Variants in JMJD1C observed in about 807,000 individuals in gnomAD.
JMJD1C encodes jumonji domain containing 1C, also known as jumonji domain-containing protein 1C.
In JMJD1C, 31 loss-of-function variants were observed where a neutral mutation model predicts 245.3. The ratio of observed to expected loss-of-function variants is 0.13; its 90% CI spans 0.09 to 0.17. The LOEUF is 0.17. Among genes scored for constraint, JMJD1C ranks in the 10% least tolerant of loss-of-function variants. The pLI, the probability that JMJD1C is intolerant of heterozygous loss-of-function variation, is 1.00. For missense variants in JMJD1C, 2,691 were observed against 3,000.2 expected (o/e 0.90, Z 2.41); for synonymous variants, 1,057 against 1,017.4 (o/e 1.04, Z -0.74).
chr10:63,317,415 G>C (rs1018783714), intron 2 of JMJD1C, among the ~76,000 whole-genome samples: 2 of 152,056 alleles, frequency 1.3e-5, no homozygotes, highest in Admixed American at 6.5e-5. Context: ...TGAGGCAGGA[G>C]AATCACTTGA....
At position 63,458,384 on chromosome 10, in the gene JMJD1C, G is replaced by C. The variant is rs540980081; in HGVS notation, c.168+7111C>G. On this transcript the variant is annotated intron_variant, in intron 1 of 25. Coordinates refer to ENST00000399262, the MANE Select transcript of JMJD1C (RefSeq NM_032776.3). Reference sequence around the variant, plus strand: ...ATTCCTGTAGTACCAGCTACTTGTAGGGCTGAGGTGGGAGGATCTCTTGAA... The same window carrying C: ...ATTCCTGTAGTACCAGCTACTTGTACGGCTGAGGTGGGAGGATCTCTTGAA... Among the ~76,000 whole-genome samples, 165 of 152,030 alleles carry C rather than the reference G, an allele frequency of 1.1e-3. 1 individual carries two copies. The highest frequency in any genetic ancestry group is 1.3e-4 in the Non-Finnish European group (9 of 67,986).
chr10:63,291,690 TGATCACAGTGCACTATG>T (rs1426259054), intron 2 of JMJD1C, among the ~76,000 whole-genome samples: 1 of 151,442 alleles, frequency 6.6e-6, no homozygotes, highest in African/African-American at 2.4e-5. Flanking sequence ...TTCACAGGCA[TGATCACAGTGCACTATG>T]GCCTCAAACT....
intron 2 of JMJD1C, among the ~76,000 whole-genome samples, chr10:63,291,043 A>G (rs1858614895): frequency 6.6e-6 from 1 of 152,154 alleles, no homozygotes; most frequent in South Asian, 2.1e-4. Flanking sequence ...GCAGTGGCTC[A>G]CATTTCTAAT....
chr10:63,404,847 A>T (rs1949076367), intron 1 of JMJD1C, among the ~76,000 whole-genome samples: 1 of 152,208 alleles, frequency 6.6e-6, no homozygotes, highest in African/African-American at 2.4e-5. Context: ...ATTAAATTTT[A>T]AAATGAAACA....
At chr10:63,318,477 T>G (rs1227944582) in intron 2 of JMJD1C, among the ~76,000 whole-genome samples, 1 of 152,228 alleles carries the variant, frequency 6.6e-6, no homozygotes, top group South Asian at 2.1e-4. Flanking sequence ...TTGAGTATAC[T>G]GAGTATATTA....
At chr10:63,326,425 T>TAAAGAAAG (rs377437192) in intron 2 of JMJD1C, among the ~76,000 whole-genome samples, 6 of 139,260 alleles carry the variant, frequency 4.3e-5, no homozygotes, top group African/African-American at 1.5e-4. Flanking sequence ...AATAAATAAA[T>TAAAGAAAG]AAAGATAATA....
intron 1 of JMJD1C, among the ~76,000 whole-genome samples, chr10:63,413,706 A>C (rs1029400534): frequency 1.3e-5 from 2 of 151,912 alleles, no homozygotes; most frequent in Admixed American, 6.6e-5. Flanking sequence ...AAATAAAGCA[A>C]ATATTTTAAC....
chr10:63,356,365 A>C (rs961840218), intron 2 of JMJD1C, among the ~76,000 whole-genome samples: 1 of 152,230 alleles, frequency 6.6e-6, no homozygotes, highest in African/African-American at 2.4e-5. Flanking sequence ...CTTCATCATC[A>C]AAGAAAGGAC....
At chr10:63,500,258 C>CA (rs996113832) in intron 1 of JMJD1C, among the ~76,000 whole-genome samples, 1 of 151,826 alleles carries the variant, frequency 6.6e-6, no homozygotes, top group Non-Finnish European at 1.5e-5. Flanking sequence ...CCCATCTCTA[C>CA]AAAAAAATAC....
chr10:63,436,544 A>G (rs1951067807), intron 1 of JMJD1C, among the ~76,000 whole-genome samples: 2 of 151,982 alleles, frequency 1.3e-5, no homozygotes, highest in African/African-American at 4.8e-5. Context: ...CATCCACCAC[A>G]CTCATGCGTA....
chr10:63,227,376 C>T (rs988615586), intron 3 of JMJD1C, among the ~76,000 whole-genome samples: 2 of 151,998 alleles, frequency 1.3e-5, no homozygotes, highest in African/African-American at 2.4e-5. Context: ...TGACAAAAAA[C>T]CAACAAAGGG....
intron 2 of JMJD1C, among the ~76,000 whole-genome samples, chr10:63,280,962 CT>C (rs200324748): frequency 1.5e-3 from 215 of 143,612 alleles, no homozygotes; most frequent in South Asian, 3.7e-3. Flanking sequence ...ACCTCTTTTT[CT>C]TTTTTTTTTT....
intron 1 of JMJD1C, among the ~76,000 whole-genome samples, chr10:63,515,686 T>G (rs968052586): frequency 6.6e-6 from 1 of 152,232 alleles, no homozygotes; most frequent in Non-Finnish European, 1.5e-5. Context: ...ATCTAAGAAG[T>G]GTTGTCTATT....
intron 1 of JMJD1C, among the ~76,000 whole-genome samples, chr10:63,396,638 C>T (rs761174710): frequency 5.9e-5 from 9 of 151,880 alleles, no homozygotes; most frequent in Non-Finnish European, 1.2e-4. Flanking sequence ...ATCTTGGGTC[C>T]CAGAAAAGTT....
In JMJD1C at chr10:63,436,117, C is replaced by T. The variant is rs542030321; in HGVS notation, c.168+29378G>A. Among the ~76,000 whole-genome samples the T allele has an allele frequency of 4.6e-5, 7 of 152,276 alleles. No homozygotes were observed. The East Asian group carries it at 1.4e-3, about 29-fold the overall frequency. On this transcript the variant is annotated intron_variant, in intron 1 of 25. Transcript: ENST00000399262. ...GTGACTTCAATATGCAATATGTAAT[C>T]ACAGGCCTTGAGAGATTATATGAGG...
chr10:63,268,232 C>CA (rs5785564), intron 2 of JMJD1C, among the ~76,000 whole-genome samples: 1 of 130,216 alleles, frequency 7.7e-6, no homozygotes, highest in African/African-American at 2.9e-5. Flanking sequence ...TTTAGTCTAC[C>CA]AAAAAAAAAA....
intron 4 of JMJD1C, among the ~76,000 whole-genome samples, chr10:63,218,907 TTTTAAA>T (rs1189621251): frequency 2.0e-5 from 3 of 152,290 alleles, no homozygotes; most frequent in East Asian, 3.9e-4. Flanking sequence ...ATACCTAGTA[TTTTAAA>T]TTTAAAAACA....
intron 2 of JMJD1C, among the ~76,000 whole-genome samples, chr10:63,338,065 A>C (rs937089047): frequency 6.6e-6 from 1 of 152,206 alleles, no homozygotes; most frequent in Non-Finnish European, 1.5e-5. Context: ...TCACAGCGGT[A>C]AAAGACCAAC....
In JMJD1C at chr10:63,206,907, C is replaced by T. The variant is rs754928152; in HGVS notation, c.4762G>A (p.Ala1588Thr). 6.8e-6 allele frequency: 11 copies of T among 1,608,896 alleles called. No homozygotes were observed. Among genetic ancestry groups the T allele is most frequent in the Non-Finnish European group, 9.4e-6 (11 of 1,176,114 alleles). The change falls in exon 10 of 26, where the codon GCC becomes ACC. Residue 1588 changes from alanine (A) to threonine (T), a missense_variant. Around this residue, in one of 9 missense-constraint regions of JMJD1C, gnomAD observed 144 missense variants for 143.3 expected, o/e 1.00. Transcript: ENST00000399262. The part of the protein sequence containing the change: ...IIKPCSVNLI[A>T]STSSDIQNSV... ...TTTTGTATATCACTAGATGTAGAGG[C>T]TATTAAGTTGACAGAACATGGCTTA...
Sources: gnomAD v4.1 joint callset for allele counts (sites outside exome capture counted in the v4.1 genomes callset) on GRCh38, gnomAD v4.1.1 for gene constraint, gnomAD v4.1.1 regional missense constraint, MANE v1.5 for transcripts, NCBI Gene and HGNC (gene_info 2026-07-23, HGNC 2026-07-21) for gene names.